MSI2: variants seen among roughly 807,000 people sequenced by gnomAD.
The protein encoded by MSI2 is musashi RNA binding protein 2.
MSI2 carries 17 observed loss-of-function variants against 45.6 expected under a neutral mutation model. That is an observed-to-expected ratio of 0.37 (90% CI 0.26 to 0.56). The LOEUF (loss-of-function observed/expected upper bound fraction) is 0.56. Ranked by LOEUF, MSI2 falls within the 20% of genes least tolerant of loss-of-function variation. The pLI is 0.77. For synonymous variants in MSI2, 156 were observed against 158.2 expected (o/e 0.99, Z 0.11); for missense variants, 293 against 444.2 (o/e 0.66, Z 3.06).
chr17:57,589,331 A>T (rs183421367), intron 7 of MSI2, among the ~76,000 whole-genome samples: 10 of 152,284 alleles, frequency 6.6e-5, no homozygotes, highest in Non-Finnish European at 8.8e-5. Context: ...TTTTTCTTGG[A>T]ACATACTGAT....
intron 5 of MSI2, among the ~76,000 whole-genome samples, chr17:57,332,457 C>A (rs1431246190): frequency 6.6e-6 from 1 of 152,198 alleles, no homozygotes; most frequent in African/African-American, 2.4e-5. Flanking sequence ...GTGAGAGTCA[C>A]AATCTGTTGG....
At chr17:57,435,241 G>C (rs1212538184) in intron 6 of MSI2, among the ~76,000 whole-genome samples, 2 of 152,200 alleles carry the variant, frequency 1.3e-5, no homozygotes, top group African/African-American at 4.8e-5. Flanking sequence ...GCTGTGTGCA[G>C]ATATGGGAGG....
chr17:57,672,937 A>G (rs767227376), intron 11 of MSI2, among the ~76,000 whole-genome samples: 1 of 152,232 alleles, frequency 6.6e-6, no homozygotes, highest in African/African-American at 2.4e-5. Flanking sequence ...CTGCCAGCGC[A>G]TTCCCAGATC....
At chr17:57,461,677 A>C (rs1249518649) in intron 6 of MSI2, among the ~76,000 whole-genome samples, 1 of 152,000 alleles carries the variant, frequency 6.6e-6, no homozygotes, top group Non-Finnish European at 1.5e-5. Flanking sequence ...CTGGGATTAC[A>C]GGCGTGAGCC....
At chr17:57,338,654 G>A (rs565941655) in intron 5 of MSI2, among the ~76,000 whole-genome samples, 1 of 152,276 alleles carries the variant, frequency 6.6e-6, no homozygotes, top group Non-Finnish European at 1.5e-5. Flanking sequence ...GACCCGGGGA[G>A]CTGTGCCTGC....
intron 5 of MSI2, among the ~76,000 whole-genome samples, chr17:57,314,494 T>G (rs1422795256): frequency 6.7e-5 from 10 of 149,688 alleles, no homozygotes; most frequent in Non-Finnish European, 1.5e-4. Flanking sequence ...GAGTGGGCAG[T>G]GGCAAGAGAT....
At chr17:57,546,812 C>T (rs1435549713) in intron 7 of MSI2, among the ~76,000 whole-genome samples, 1 of 152,230 alleles carries the variant, frequency 6.6e-6, no homozygotes, top group Non-Finnish European at 1.5e-5. Context: ...GGGCTTCATG[C>T]TCTTGTCCCA....
chr17:57,477,148 GTGT>G (rs2085554890), intron 6 of MSI2, among the ~76,000 whole-genome samples: 13 of 9,544 alleles, frequency 1.4e-3, no homozygotes, highest in Admixed American at 1.1e-3. Context: ...AAGGCCTGGT[GTGT>G]GTGTGTGTGT....
chr17:57,508,772 G>A (rs546582340), intron 6 of MSI2, among the ~76,000 whole-genome samples: 2 of 152,358 alleles, frequency 1.3e-5, no homozygotes, highest in East Asian at 1.9e-4. Context: ...ACTGGGAGAT[G>A]TAGGGCACCT....
intron 5 of MSI2, among the ~76,000 whole-genome samples, chr17:57,361,879 G>C (rs1916837422): frequency 6.6e-6 from 1 of 152,196 alleles, no homozygotes; most frequent in Non-Finnish European, 1.5e-5. Flanking sequence ...CTAAGGCCCT[G>C]TCCTGGATCA....
chr17:57,348,784 C>G (rs1915805858), intron 5 of MSI2, among the ~76,000 whole-genome samples: 1 of 152,176 alleles, frequency 6.6e-6, no homozygotes, highest in Admixed American at 6.5e-5. Flanking sequence ...AATGGACTAA[C>G]CCAATGACCT....
chr17:57,431,757 G>A (rs551418216), intron 6 of MSI2, among the ~76,000 whole-genome samples: 31 of 152,326 alleles, frequency 2.0e-4, no homozygotes, highest in African/African-American at 6.7e-4. Flanking sequence ...CCATCAGGGT[G>A]GGCCTCATTC....
intron 5 of MSI2, among the ~76,000 whole-genome samples, chr17:57,394,158 C>T (rs1024993912): frequency 6.6e-6 from 1 of 152,208 alleles, no homozygotes; most frequent in African/African-American, 2.4e-5. Context: ...GACATACCTG[C>T]TCCTTATGGT....
At chr17:57,261,418 G>A (rs909848871) in intron 4 of MSI2, among the ~76,000 whole-genome samples, 5 of 151,592 alleles carry the variant, frequency 3.3e-5, no homozygotes, top group Non-Finnish European at 7.4e-5. Flanking sequence ...GGTTTAGGTT[G>A]CTTATAGATT....
In MSI2 at chr17:57,369,762, T is replaced by C. The variant is rs545677579; in HGVS notation, c.313-31617T>C. ...GAGTAAAAGCTGTCATCCCATTTTA[T>C]AGATGAAGAAACAGAGGCACAGAGA... On this transcript the variant is annotated intron_variant, in intron 5 of 13. Transcript: ENST00000284073. Among the ~76,000 whole-genome samples the C allele has an allele frequency of 2.0e-5, 3 of 152,336 alleles. No individual in the cohort carries two copies. The East Asian group carries it at 5.8e-4, about 29-fold the overall frequency.
At chr17:57,336,158 G>A (rs1914677528) in intron 5 of MSI2, among the ~76,000 whole-genome samples, 1 of 152,238 alleles carries the variant, frequency 6.6e-6, no homozygotes, top group Non-Finnish European at 1.5e-5. Flanking sequence ...TGGTGGTGAG[G>A]ACGGTGGTGA....
chr17:57,575,574 C>T (rs1418379057), intron 7 of MSI2, among the ~76,000 whole-genome samples: 1 of 152,174 alleles, frequency 6.6e-6, no homozygotes, highest in Non-Finnish European at 1.5e-5. Context: ...TCTTTCTTCT[C>T]ACTGTCCTCT....
At position 57,256,638 on chromosome 17, in the gene MSI2, G is replaced by A. The variant is rs1264724950; in HGVS notation, c.-105G>A. ...GAGCCCGGGCGGGGGGGAGGAGGAG[G>A]GGGAGGAGGGAGCGGAGATCTCGGG... On this transcript the variant is annotated 5_prime_UTR_variant, in exon 1 of 14. Transcript: ENST00000284073. 3 of 488,950 alleles carry A rather than the reference G, an allele frequency of 6.1e-6. No individual in the cohort carries two copies. The highest frequency in any genetic ancestry group is 1.0e-5 in the Non-Finnish European group (3 of 290,788). 30.3% of individuals were successfully genotyped at this position (488,950 alleles called of 1,614,324 possible).
chr17:57,651,221 C>T (rs559399528), intron 10 of MSI2, among the ~76,000 whole-genome samples: 6 of 152,262 alleles, frequency 3.9e-5, no homozygotes, highest in South Asian at 2.1e-4. Flanking sequence ...CTATTATTCC[C>T]GTTGCTGGGA....
Sources: allele counts gnomAD v4.1 joint callset (sites outside exome capture counted in the v4.1 genomes callset), GRCh38; gene constraint gnomAD v4.1.1; transcripts MANE v1.5; gene names NCBI Gene and HGNC (gene_info 2026-07-23, HGNC 2026-07-21).